Variants in CMIP observed in about 807,000 individuals in gnomAD.
CMIP encodes the protein C-Maf-inducing protein.
In CMIP, 13 loss-of-function variants were observed where a neutral mutation model predicts 97.3. The observed-to-expected ratio is 0.13, with a 90% CI of 0.09 to 0.21. CMIP has a LOEUF of 0.21. CMIP is among the 10% of genes least tolerant of loss of function. The pLI is 1.00. For missense variants in CMIP, 847 were observed against 1,024.9 expected, an observed-to-expected ratio of 0.83 and a Z score of 2.37; for synonymous variants, 538 against 436.3, an observed-to-expected ratio of 1.23 and a Z score of -2.91.
rs559996526 is a variant in CMIP, at chr16:81,517,955, G to A, written c.300+72414G>A. 199 of 976,192 alleles carry A rather than the reference G, an allele frequency of 2.0e-4. 1 individual carries two copies. The South Asian group carries it at 7.9e-3, about 39-fold the overall frequency. 60.5% of individuals were successfully genotyped at this position (976,192 alleles called of 1,614,324 possible). On this transcript the variant is annotated intron_variant, in intron 1 of 20. Coordinates refer to ENST00000537098, the MANE Select transcript of CMIP (RefSeq NM_198390.3). ...TCAAGGATTTTCTAGGAAAATGAAC[G>A]CCAGTGGATGTGTGGAATTTTTTCA...
At chr16:81,454,906 C>T (rs534222316) in intron 1 of CMIP, among the ~76,000 whole-genome samples, 3 of 152,098 alleles carry the variant, frequency 2.0e-5, no homozygotes, top group African/African-American at 7.2e-5. Context: ...GGTGGCAGGT[C>T]GGAGGTGGGA....
Position 81,616,118 on chromosome 16 carries a change from G to C in CMIP, c.427-4758G>C, listed in dbSNP as rs1282678684. ...ACTGTCCTCAGCCCGGCATCTCTGT[G>C]CCTTGCCTTACATGTCATTAATTCA... On this transcript the variant is annotated intron_variant, in intron 2 of 20. Coordinates refer to ENST00000537098, the MANE Select transcript of CMIP (RefSeq NM_198390.3). The surrounding 1 kb of genome is among the most constrained non-coding windows in gnomAD (Gnocchi z 4.7). Among the ~76,000 whole-genome samples, 17 of 151,710 alleles carry C rather than the reference G, an allele frequency of 1.1e-4. No homozygotes were observed. The highest frequency in any genetic ancestry group is 3.4e-4 in the African/African-American group (14 of 41,232).
intron 1 of CMIP, among the ~76,000 whole-genome samples, chr16:81,483,566 TC>T (rs1209385281): frequency 1.5e-5 from 2 of 131,318 alleles, no homozygotes; most frequent in African/African-American, 2.9e-5. Flanking sequence ...TCCCGCAGCC[TC>T]TTCCTCTTCC....
At chr16:81,575,068 A>C (rs910901604) in intron 1 of CMIP, among the ~76,000 whole-genome samples, 4 of 152,176 alleles carry the variant, frequency 2.6e-5, no homozygotes, top group Non-Finnish European at 4.4e-5. Flanking sequence ...GCTCAAGGAG[A>C]GTTGCCTCGT....
intron 3 of CMIP, among the ~76,000 whole-genome samples, chr16:81,637,520 G>A (rs192101731): frequency 6.6e-6 from 1 of 152,328 alleles, no homozygotes; most frequent in African/African-American, 2.4e-5. Context: ...CCATTTTACA[G>A]ATGAGGAAAC....
At chr16:81,514,978 C>G (rs561676222) in intron 1 of CMIP, among the ~76,000 whole-genome samples, 2 of 152,180 alleles carry the variant, frequency 1.3e-5, no homozygotes, top group Non-Finnish European at 2.9e-5. Context: ...CATCGTTGTT[C>G]GAGGGCCTGC....
chr16:81,703,871 G>A, intron 17 of CMIP, 68 bp from the exon 18 acceptor site: 1 of 1,526,478 alleles, frequency 6.6e-7, no homozygotes, highest in Non-Finnish European at 8.8e-7. Context: ...GAGGATAGGG[G>A]ATAGGAGGGC....
intron 1 of CMIP, among the ~76,000 whole-genome samples, chr16:81,480,850 A>C (rs1254142745): frequency 1.3e-5 from 2 of 152,070 alleles, no homozygotes; most frequent in Non-Finnish European, 2.9e-5. Context: ...TCATGGAGGG[A>C]GTCTCCCCTT....
intron 1 of CMIP, among the ~76,000 whole-genome samples, chr16:81,502,886 C>A (rs569495028): frequency 6.6e-6 from 1 of 152,178 alleles, no homozygotes; most frequent in East Asian, 1.9e-4. Flanking sequence ...CCAGGCTGTG[C>A]GGAGCCACTG....
rs775691924 is a variant in CMIP, at chr16:81,678,569, C to A, written c.1329C>A (p.Ile443=). 1 of 1,607,576 alleles carries A rather than the reference C, an allele frequency of 6.2e-7. No individual in the cohort carries two copies. The highest frequency in any genetic ancestry group is 8.5e-7 in the Non-Finnish European group (1 of 1,177,644). ...GCCCCGCCTGCAGCACCATGAGCAT[C>A]GAGCTGGGCCCCCAGGCCGACCGCA... The part of the protein sequence containing the change: ...MVSPACSTMS[I]ELGPQADRTL... Residue 443 remains isoleucine (I), a synonymous_variant, in exon 10 of 21, where the codon ATC becomes ATA. Transcript: ENST00000537098.
intron 1 of CMIP, chr16:81,475,882 G>A: frequency 2.7e-6 from 1 of 371,740 alleles, no homozygotes; most frequent in South Asian, 2.2e-5. Flanking sequence ...AGCTACTTGG[G>A]AGGCTGAGGC....
chr16:81,702,341 T>C (rs899890210), intron 16 of CMIP, among the ~76,000 whole-genome samples: 2 of 152,234 alleles, frequency 1.3e-5, no homozygotes, highest in Admixed American at 1.3e-4. Flanking sequence ...TTGGTGCCAG[T>C]ACCCACCCAG....
At chr16:81,682,074 G>C (rs1025794511) in intron 10 of CMIP, among the ~76,000 whole-genome samples, 2 of 152,096 alleles carry the variant, frequency 1.3e-5, no homozygotes, top group African/African-American at 4.8e-5. Flanking sequence ...GTGGTGGCGG[G>C]CGCCTGTAGT....
intron 4 of CMIP, among the ~76,000 whole-genome samples, chr16:81,653,504 C>T (rs1404245610): frequency 6.6e-6 from 1 of 152,236 alleles, no homozygotes; most frequent in Non-Finnish European, 1.5e-5. Flanking sequence ...AGCATCGTTC[C>T]AAGAGGAGTA....
intron 1 of CMIP, among the ~76,000 whole-genome samples, chr16:81,544,034 C>T (rs562535112): frequency 2.0e-5 from 3 of 152,192 alleles, no homozygotes; most frequent in Non-Finnish European, 4.4e-5. Flanking sequence ...CATTGTGAGC[C>T]TCCTTGGGGT....
chr16:81,486,212 T>G (rs778224083), intron 1 of CMIP, among the ~76,000 whole-genome samples: 74 of 152,246 alleles, frequency 4.9e-4, no homozygotes, highest in Non-Finnish European at 7.2e-4. Flanking sequence ...AGCCAGGCTT[T>G]CTCAGAGATA....
At position 81,616,050 on chromosome 16, in the gene CMIP, C is replaced by G. The variant is rs1287746640; in HGVS notation, c.427-4826C>G. ...GCGGTGGGTGGGAGATCTTGGCTGT[C>G]TCTGCCTCCCTGGAAGGAGGCGCAG... On this transcript the variant is annotated intron_variant, in intron 2 of 20. Coordinates refer to ENST00000537098, the MANE Select transcript of CMIP (RefSeq NM_198390.3). The surrounding 1 kb of genome is among the most constrained non-coding windows in gnomAD (Gnocchi z 4.7). Among the ~76,000 whole-genome samples, 1 of 152,012 alleles carries G rather than the reference C, an allele frequency of 6.6e-6. No individual in the cohort carries two copies. Among genetic ancestry groups the G allele is most frequent in the Non-Finnish European group, 1.5e-5 (1 of 68,016 alleles).
intron 7 of CMIP, chr16:81,665,936 C>G (rs1010643462): frequency 1.3e-5 from 2 of 152,182 alleles, no homozygotes; most frequent in Non-Finnish European, 2.9e-5. Context: ...ATTCTCTACC[C>G]TAAGCGATTG....
Position 81,474,211 on chromosome 16 carries a change from C to G in CMIP, c.300+28670C>G, listed in dbSNP as rs188200951. Among the ~76,000 whole-genome samples the G allele has an allele frequency of 7.9e-5, 12 of 152,218 alleles. No individual in the cohort carries two copies. In the East Asian group the frequency reaches 2.1e-3, roughly 27 times the overall value. On this transcript the variant is annotated intron_variant, in intron 1 of 20. Transcript: ENST00000537098. ...GCTTGTGGGCGTGGACTTTGTACCCCCCGGGCTTGGAGAGGGCAAGGTGAC... is the reference window on the plus strand; with the variant it reads ...GCTTGTGGGCGTGGACTTTGTACCCGCCGGGCTTGGAGAGGGCAAGGTGAC...
Sources: allele counts gnomAD v4.1 joint callset (sites outside exome capture counted in the v4.1 genomes callset), GRCh38; gene constraint gnomAD v4.1.1; non-coding constraint Gnocchi (gnomAD v3.1); transcripts MANE v1.5; gene names NCBI Gene and HGNC (gene_info 2026-07-23, HGNC 2026-07-21).